ZDHHC15: variants seen among roughly 807,000 people sequenced by gnomAD.
The protein encoded by ZDHHC15 is palmitoyltransferase ZDHHC15.
In ZDHHC15, 19 loss-of-function variants were observed where a neutral mutation model predicts 31.7. The ratio of observed to expected loss-of-function variants is 0.60; its 90% confidence interval spans 0.42 to 0.88. ZDHHC15 has a LOEUF of 0.88. Among genes scored for constraint, ZDHHC15 ranks in the 40% least tolerant of loss-of-function variants. ZDHHC15 has a pLI of 0.00. For synonymous variants in ZDHHC15, 103 were observed against 90.0 expected (o/e 1.14, Z -0.82); for missense variants, 209 against 251.2 (o/e 0.83, Z 1.14).
intron 2 of ZDHHC15, among the ~76,000 whole-genome samples, chrX:75,495,246 A>T (rs146347030): frequency 0.09 from 9,985 of 111,524 alleles, 698 homozygotes; most frequent in African/African-American, 0.24. Context: ...ATCTCACACC[A>T]GTTAGAATGG....
At chrX:75,377,706 C>T (rs2083075099) in intron 11 of ZDHHC15, among the ~76,000 whole-genome samples, 1 of 110,159 alleles carries the variant, frequency 9.1e-6, no homozygotes, top group East Asian at 2.8e-4. Context: ...ATACTAGGTT[C>T]CATGATAGGC....
At chrX:75,415,659 C>T (rs1230308353) in intron 10 of ZDHHC15, among the ~76,000 whole-genome samples, 6 of 111,787 alleles carry the variant, frequency 5.4e-5, no homozygotes, top group Non-Finnish European at 1.1e-4. Flanking sequence ...AATAACACTG[C>T]CTATCTAACC....
chrX:75,395,597 G>A (rs895880088), intron 10 of ZDHHC15, among the ~76,000 whole-genome samples: 5 of 111,904 alleles, frequency 4.5e-5, no homozygotes, highest in Non-Finnish European at 9.4e-5. Flanking sequence ...GAAGAAGATT[G>A]TTAAAATGTC....
At chrX:75,493,174 A>C (rs1185959570) in intron 2 of ZDHHC15, among the ~76,000 whole-genome samples, 1 of 112,208 alleles carries the variant, frequency 8.9e-6, no homozygotes, top group Non-Finnish European at 1.9e-5. Flanking sequence ...AATAAAATAG[A>C]AAATCTAGAA....
At chrX:75,474,571 T>TAC (rs1209885057) in intron 3 of ZDHHC15, among the ~76,000 whole-genome samples, 1 of 22,757 alleles carries the variant, frequency 4.4e-5, no homozygotes, top group Non-Finnish European at 1.1e-4. Context: ...TAATCCCCTT[T>TAC]ATACACACAC....
At position 75,384,920 on chromosome X, in the gene ZDHHC15, A is replaced by T. The variant is rs942801968; in HGVS notation, c.968-5722T>A. ...GATTAAAGACTCTTCCATCATTGGC[A>T]CTATCTACTATCGCCAATATGCATG... On this transcript the variant is annotated intron_variant, in intron 10 of 11. Transcript: ENST00000373367. 4.2e-5 allele frequency: 19 copies of T among 457,538 alleles called. No homozygotes were observed. In the South Asian group the frequency reaches 6.3e-4, roughly 15 times the overall value. The allele number at this position is 457,538 out of a possible 1,213,427, so 37.7% of individuals were successfully genotyped here. A position where few individuals can be genotyped will look rare whatever the true frequency, so the allele number is the denominator to read the frequency against.
intron 8 of ZDHHC15, 97 bp from the exon 9 acceptor site, chrX:75,422,087 C>T (rs146807418): frequency 7.8e-6 from 8 of 1,023,008 alleles, no homozygotes; most frequent in Non-Finnish European, 1.0e-5. Flanking sequence ...ATGTATGTGA[C>T]TTGGTTCTAT....
At chrX:75,413,446 TAAAG>T (rs2083508190) in intron 10 of ZDHHC15, among the ~76,000 whole-genome samples, 1 of 110,353 alleles carries the variant, frequency 9.1e-6, no homozygotes, top group Admixed American at 9.6e-5. Flanking sequence ...ACTGAAACAA[TAAAG>T]AAACATATGA....
chrX:75,499,741 G>T (rs1298642104), intron 2 of ZDHHC15, among the ~76,000 whole-genome samples: 1 of 111,951 alleles, frequency 8.9e-6, no homozygotes, highest in African/African-American at 3.2e-5. Flanking sequence ...ACTGAAAGTA[G>T]ATCTACCATT....
chrX:75,495,468 A>G (rs1602732703), intron 2 of ZDHHC15, among the ~76,000 whole-genome samples: 1 of 111,215 alleles, frequency 9.0e-6, no homozygotes, highest in South Asian at 3.9e-4. Context: ...GCTGCTATAA[A>G]GACACATGCA....
intron 2 of ZDHHC15, 40 bp from the exon 3 acceptor site, chrX:75,479,025 A>T (rs2084649494): frequency 2.1e-6 from 2 of 946,580 alleles, no homozygotes; most frequent in South Asian, 5.3e-5. Context: ...CTATCTTTTT[A>T]TCCATTTCTA....
At chrX:75,513,921 C>T (rs774945379) in intron 1 of ZDHHC15, among the ~76,000 whole-genome samples, 1 of 110,822 alleles carries the variant, frequency 9.0e-6, no homozygotes, top group Non-Finnish European at 1.9e-5. Context: ...CTCTTAAGAA[C>T]CCACAGAGGC....
At chrX:75,410,667 A>G (rs982216827) in intron 10 of ZDHHC15, among the ~76,000 whole-genome samples, 5 of 111,981 alleles carry the variant, frequency 4.5e-5, no homozygotes, top group Non-Finnish European at 9.4e-5. Context: ...ACTATGGAAA[A>G]TAGTGCAGAA....
chrX:75,467,250 G>T (rs1213921680), intron 3 of ZDHHC15, among the ~76,000 whole-genome samples: 1 of 111,848 alleles, frequency 8.9e-6, no homozygotes, highest in East Asian at 2.8e-4. Context: ...ACCTTGTGGT[G>T]GCACTTTAAT....
chrX:75,387,228 T>G (rs776787682), intron 10 of ZDHHC15, among the ~76,000 whole-genome samples: 100 of 112,002 alleles, frequency 8.9e-4, no homozygotes, highest in African/African-American at 3.1e-3. Flanking sequence ...CAGAGAAGAC[T>G]GGAATAAATA....
intron 3 of ZDHHC15, among the ~76,000 whole-genome samples, chrX:75,477,721 C>A (rs1000155397): frequency 9.0e-6 from 1 of 111,698 alleles, no homozygotes; most frequent in Admixed American, 9.5e-5. Context: ...CTTTTTCTAG[C>A]TTTACATTTT....
chrX:75,496,815 C>G (rs188682768), intron 2 of ZDHHC15, among the ~76,000 whole-genome samples: 2 of 111,040 alleles, frequency 1.8e-5, no homozygotes, highest in Non-Finnish European at 3.8e-5. Flanking sequence ...AGTGACACAA[C>G]CTATTGTGTC....
chrX:75,510,566 T>C (rs1285646283), intron 1 of ZDHHC15, among the ~76,000 whole-genome samples: 1 of 104,202 alleles, frequency 9.6e-6, no homozygotes, highest in Non-Finnish European at 2.0e-5. Context: ...CTTTTTATTA[T>C]TATTATTATT....
rs1007231534 is a variant in ZDHHC15, at chrX:75,483,005, A to G, written c.164-4020T>C. On this transcript the variant is annotated intron_variant, in intron 2 of 11. Transcript: ENST00000373367. ...TATGTATATGTGTGTGTATGTGTATATATATATATATGTATATATATACAC... is the reference window on the plus strand; with the variant it reads ...TATGTATATGTGTGTGTATGTGTATGTATATATATATGTATATATATACAC... 5.7e-5 allele frequency among the ~76,000 whole-genome samples: 6 copies of G among 105,756 alleles called. No homozygotes were observed. The East Asian group carries it at 8.9e-4, about 16-fold the overall frequency. 91.8% of individuals were successfully genotyped at this position (105,756 alleles called of 115,157 possible).
Sources: allele counts gnomAD v4.1 joint callset (sites outside exome capture counted in the v4.1 genomes callset), GRCh38; gene constraint gnomAD v4.1.1; transcripts MANE v1.5; gene names NCBI Gene and HGNC (gene_info 2026-07-23, HGNC 2026-07-21).